Variants in TMT1B observed in about 807,000 individuals in gnomAD.
The protein encoded by TMT1B is thiol S-methyltransferase TMT1B.
At chr12:55,683,165 T>C in the TMT1B span, among the ~76,000 whole-genome samples, 9 of 152,284 alleles carry the variant, frequency 5.9e-5, no homozygotes, top group Middle Eastern at 6.8e-3. Context: ...TGCATGCATC[T>C]GGGTTTTGTG....
the TMT1B span, chr12:55,681,916 GA>G: frequency 6.2e-7 from 1 of 1,613,906 alleles, no homozygotes; most frequent in African/African-American, 1.3e-5. Context: ...TGGAGAGCAA[GA>G]AACGGGAGCT....
the TMT1B span, chr12:55,683,968 C>T: frequency 6.8e-6 from 11 of 1,613,914 alleles, no homozygotes; most frequent in East Asian, 2.2e-5. Flanking sequence ...CCCAGTTCTC[C>T]GAAATCCAAA....
the TMT1B span, chr12:55,684,030 T>C: frequency 3.1e-6 from 5 of 1,613,250 alleles, no homozygotes; most frequent in Non-Finnish European, 4.2e-6. Context: ...CCCCACATCA[T>C]GGGAAAGGCT....
chr12:55,682,090 T>C, the TMT1B span: 3 of 1,614,188 alleles, frequency 1.9e-6, no homozygotes, highest in Non-Finnish European at 2.5e-6. Flanking sequence ...AGAGCATGGC[T>C]GAGAACAGGC....
the TMT1B span, chr12:55,684,021 C>A: frequency 3.1e-6 from 5 of 1,613,552 alleles, no homozygotes; most frequent in Non-Finnish European, 4.2e-6. Context: ...CCTGTTGGGC[C>A]CCACATCATG....
chr12:55,684,381 C>T, the TMT1B span: 1 of 301,340 alleles, frequency 3.3e-6, no homozygotes, highest in Non-Finnish European at 6.4e-6. Context: ...TGGTAAAGCT[C>T]CTCTCGCTTT....
the TMT1B span, chr12:55,683,940 G>A: frequency 1.2e-6 from 2 of 1,614,122 alleles, no homozygotes; most frequent in Non-Finnish European, 8.5e-7. Context: ...AGAGAGACCT[G>A]GAAGGATCTT....
the TMT1B span, chr12:55,682,180 C>G: frequency 6.2e-7 from 1 of 1,613,952 alleles, no homozygotes; most frequent in Admixed American, 1.7e-5. Context: ...ATGTGGTGGT[C>G]TGCACTCTGG....
the TMT1B span, chr12:55,684,327 T>C: frequency 2.5e-6 from 1 of 405,808 alleles, no homozygotes; most frequent in Non-Finnish European, 4.6e-6. Context: ...TGGACTAGTC[T>C]CCCAACGTTT....
At chr12:55,682,374 C>T in the TMT1B span, 1 of 915,094 alleles carries the variant, frequency 1.1e-6, no homozygotes, top group African/African-American at 1.7e-5. Context: ...CCCCATCCAC[C>T]TCTACCTGCT....
the TMT1B span, among the ~76,000 whole-genome samples, chr12:55,683,612 C>T: frequency 2.6e-5 from 4 of 152,260 alleles, no homozygotes; most frequent in Admixed American, 2.6e-4. Flanking sequence ...CCAGCCACTC[C>T]TTTCAGTTAT....
the TMT1B span, chr12:55,681,877 C>T: frequency 8.1e-6 from 13 of 1,607,240 alleles, no homozygotes; most frequent in African/African-American, 2.7e-5. Context: ...ACCTGATGGC[C>T]GTGCTGACTC....
At chr12:55,682,934 G>A in the TMT1B span, among the ~76,000 whole-genome samples, 5 of 152,264 alleles carry the variant, frequency 3.3e-5, no homozygotes, top group East Asian at 1.9e-4. Flanking sequence ...TGGAGAGAAC[G>A]TTCAGAATAG....
chr12:55,682,041 G>A, the TMT1B span: 1 of 1,614,276 alleles, frequency 6.2e-7, no homozygotes, highest in Non-Finnish European at 8.5e-7. Flanking sequence ...AGGGTCACCT[G>A]CCTAGACCCA....
At chr12:55,683,904 A>G in the TMT1B span, 2 of 1,614,044 alleles carry the variant, frequency 1.2e-6, no homozygotes, top group Non-Finnish European at 1.7e-6. Context: ...ACCTGGAAAC[A>G]CATTGGGGAT....
At chr12:55,682,397 A>G in the TMT1B span, 1 of 788,124 alleles carries the variant, frequency 1.3e-6, no homozygotes, top group South Asian at 1.8e-5. Flanking sequence ...TGAATAGGAG[A>G]CATGACCAGT....
the TMT1B span, chr12:55,683,952 A>AGAAT: frequency 1.2e-6 from 2 of 1,614,106 alleles, no homozygotes; most frequent in Non-Finnish European, 1.7e-6. Flanking sequence ...AAGGATCTTG[A>AGAAT]GAACGCCCAG....
the TMT1B span, chr12:55,682,109 T>C: frequency 6.2e-7 from 1 of 1,614,126 alleles, no homozygotes; most frequent in South Asian, 1.1e-5. Flanking sequence ...GCACCTCCAA[T>C]ATGAGCGGTT....
At chr12:55,683,747 G>A in the TMT1B span, 1 of 1,494,770 alleles carries the variant, frequency 6.7e-7, no homozygotes, top group Non-Finnish European at 9.3e-7. Context: ...TGACTGTCTT[G>A]ATCAGCGCGA....
Sources: allele counts gnomAD v4.1 joint callset (sites outside exome capture counted in the v4.1 genomes callset), GRCh38; gene constraint gnomAD v4.1.1; transcripts MANE v1.5; gene names NCBI Gene and HGNC (gene_info 2026-07-23, HGNC 2026-07-21).